The following GSE1 variants were observed in gnomAD, a reference collection of about 807,000 sequenced individuals.
GSE1 encodes Gse1 coiled-coil protein.
A neutral mutation model predicts 112.6 loss-of-function variants in GSE1; 32 were observed. The ratio of observed to expected loss-of-function variants is 0.28; its 90% CI spans 0.21 to 0.38. The LOEUF (loss-of-function observed/expected upper bound fraction) is 0.38. GSE1 is among the 10% of genes least tolerant of loss of function. The pLI is 1.00. For synonymous variants in GSE1, 1,115 were observed against 735.6 expected (o/e 1.52, Z -8.35); for missense variants, 2,348 against 1,699.2 (o/e 1.38, Z -6.71).
At chr16:85,637,597 G>A (rs887865526) in intron 2 of GSE1, among the ~76,000 whole-genome samples, 5 of 152,114 alleles carry the variant, frequency 3.3e-5, no homozygotes, top group Non-Finnish European at 5.9e-5. Flanking sequence ...GGCTCGCTGT[G>A]CTTCTCACAC....
chr16:85,179,458 A>AACACGCAT (rs1433137547), intron 1 of GSE1, among the ~76,000 whole-genome samples: 1 of 152,130 alleles, frequency 6.6e-6, no homozygotes, highest in Non-Finnish European at 1.5e-5. Context: ...TGCCACTGTG[A>AACACGCAT]ACACGCATGG....
intron 2 of GSE1, among the ~76,000 whole-genome samples, chr16:85,369,478 C>G (rs2047250578): frequency 6.6e-6 from 1 of 152,048 alleles, no homozygotes; most frequent in African/African-American, 2.4e-5. Context: ...AAGCAGTCCT[C>G]AAGCTTCCCA....
chr16:85,395,065 G>T lies in GSE1; in HGVS notation c.2464+37422G>T, dbSNP rs533585134. 4.7e-4 allele frequency among the ~76,000 whole-genome samples: 71 copies of T among 152,254 alleles called. No homozygotes were observed. In the South Asian group the frequency reaches 0.015, roughly 31 times the overall value. On this transcript the variant is annotated intron_variant, in intron 2 of 2. Coordinates refer to the GSE1 transcript ENST00000637419. ...ATTCTCGACGCGGGGAATGGGGCGG[G>T]CAGAGACTGGGGCACCTAAGCATAG... is the stretch of plus-strand genomic sequence containing the variant.
chr16:85,618,646 C>T (rs1030394713), intron 1 of GSE1, among the ~76,000 whole-genome samples: 5 of 152,220 alleles, frequency 3.3e-5, no homozygotes, highest in Admixed American at 6.5e-5. Context: ...CAAAGCCTTG[C>T]GGCTACTCCT....
At chr16:85,581,396 G>A (rs1242851723) in intron 1 of GSE1, among the ~76,000 whole-genome samples, 1 of 152,244 alleles carries the variant, frequency 6.6e-6, no homozygotes, top group East Asian at 1.9e-4. Flanking sequence ...ACTGAATGCA[G>A]GGCTCCGGCC....
intron 2 of GSE1, among the ~76,000 whole-genome samples, chr16:85,461,126 G>C (rs1026890592): frequency 2.0e-5 from 3 of 152,236 alleles, no homozygotes; most frequent in African/African-American, 7.2e-5. Context: ...GACAGTTCCT[G>C]AAGGGCCTTT....
At chr16:85,268,803 G>A (rs1254209893) in intron 1 of GSE1, among the ~76,000 whole-genome samples, 2 of 152,172 alleles carry the variant, frequency 1.3e-5, no homozygotes, top group African/African-American at 4.8e-5. Flanking sequence ...AAGAACCTGT[G>A]AGCCACCACC....
chr16:85,183,917 G>C (rs1452551846), intron 1 of GSE1, among the ~76,000 whole-genome samples: 1 of 152,178 alleles, frequency 6.6e-6, no homozygotes, highest in African/African-American at 2.4e-5. Flanking sequence ...GATGTCATGA[G>C]GGTGAGACAA....
At chr16:85,315,213 A>G (rs533016391) in intron 1 of GSE1, among the ~76,000 whole-genome samples, 211 of 152,124 alleles carry the variant, frequency 1.4e-3, no homozygotes, top group African/African-American at 4.9e-3. Flanking sequence ...CTGAGGGAGC[A>G]GGGGTCGGGG....
chr16:85,610,608 A>G (rs1232329936), upstream of GSE1, among the ~76,000 whole-genome samples: 4 of 152,100 alleles, frequency 2.6e-5, no homozygotes, highest in African/African-American at 4.8e-5. Flanking sequence ...AGTGTCATCC[A>G]TCTCCCCCTT....
chr16:85,666,308 G>C lies in GSE1; in HGVS notation c.3091G>C (p.Val1031Leu), dbSNP rs202198327. The change falls in exon 13 of 16, where the codon GTG becomes CTG. Residue 1031 changes from valine to leucine, a missense_variant. Physicochemically the swap from Val to Leu is conservative, Grantham distance 32. Coordinates refer to ENST00000253458, the MANE Select transcript of GSE1 (RefSeq NM_014615.5). ...GTTTGCACATCAGTTCCACGAGTCA[G>C]TGCTGCAGTCCACCCAGAAGGCCCT... ...EEFAHQFHESVLQSTQKALQK... is the reference protein window; with the variant it reads ...EEFAHQFHESLLQSTQKALQK... 47 of 1,613,782 alleles carry C rather than the reference G, an allele frequency of 2.9e-5. 1 individual carries two copies. The highest frequency in any genetic ancestry group is 2.8e-5 in the Non-Finnish European group (33 of 1,180,024).
In GSE1 at chr16:85,663,272, G is replaced by A. The variant is rs1478165027; in HGVS notation, c.2374-72G>A. 10 of 1,540,192 alleles carry A rather than the reference G, an allele frequency of 6.5e-6. No homozygotes were observed. The African/African-American group carries it at 1.2e-4, about 19-fold the overall frequency. On this transcript the variant is annotated intron_variant, in intron 10 of 15. Transcript: ENST00000253458. ...GGCCCACACTTCGAGGACCCCAGGA[G>A]GGGACCCCGGGACAGTGCAAGCATA...
At chr16:85,632,297 A>G (rs539612621) in intron 1 of GSE1, among the ~76,000 whole-genome samples, 82 of 152,148 alleles carry the variant, frequency 5.4e-4, no homozygotes, top group African/African-American at 1.9e-3. Flanking sequence ...GTGAGCTCTC[A>G]CTGGGGAGAA....
chr16:85,254,511 G>A (rs1906857066), intron 1 of GSE1, among the ~76,000 whole-genome samples: 1 of 152,222 alleles, frequency 6.6e-6, no homozygotes, highest in Admixed American at 6.5e-5. Flanking sequence ...ACCCCAGGAG[G>A]TCTGGCAATG....
chr16:85,646,866 G>C (rs547364837), intron 2 of GSE1, among the ~76,000 whole-genome samples: 1 of 146,434 alleles, frequency 6.8e-6, no homozygotes, highest in African/African-American at 2.5e-5. Context: ...TCTGGTCTCG[G>C]TCACGGGGGC....
rs145380967 is a variant in GSE1, at chr16:85,354,900, C to G, written c.2284-2563C>G. On this transcript the variant is annotated intron_variant, in intron 1 of 2. Coordinates refer to the GSE1 transcript ENST00000637419. ...GCTCAGTCCCCAGGGTGGGAACCAC[C>G]TTGGTACAGGCCCCAGGGTACCTGC... 3.3e-3 allele frequency among the ~76,000 whole-genome samples: 508 copies of G among 152,338 alleles called. 2 individuals are homozygous for G. The highest frequency in any genetic ancestry group is 0.012 in the African/African-American group (487 of 41,578).
intron 1 of GSE1, among the ~76,000 whole-genome samples, chr16:85,201,361 A>C (rs1597787373): frequency 6.9e-6 from 1 of 145,248 alleles, no homozygotes; most frequent in African/African-American, 2.6e-5. Context: ...TTTTGACTTC[A>C]GAAAGTGAAC....
At position 85,503,726 on chromosome 16, in the gene GSE1, T is replaced by A. The variant is rs535873947; in HGVS notation, c.2465-130188T>A. On this transcript the variant is annotated intron_variant, in intron 2 of 2. Transcript: ENST00000637419. ...GAAAAAGGCAGTGTCGAAGCAAACC[T>A]CGCCGATGACAGACCCTGTAATTAG... Among the ~76,000 whole-genome samples the A allele has an allele frequency of 2.0e-5, 3 of 152,196 alleles. No individual in the cohort carries two copies. In the South Asian group the frequency reaches 6.2e-4, roughly 32 times the overall value.
upstream of GSE1, among the ~76,000 whole-genome samples, chr16:85,610,107 G>A (rs571828813): frequency 6.6e-6 from 1 of 152,334 alleles, no homozygotes; most frequent in Admixed American, 6.5e-5. Flanking sequence ...CGCTCTTGGA[G>A]GCACAGTTTA....
Sources: allele counts gnomAD v4.1 joint callset (sites outside exome capture counted in the v4.1 genomes callset), GRCh38; gene constraint gnomAD v4.1.1; transcripts MANE v1.5; gene names NCBI Gene and HGNC (gene_info 2026-07-23, HGNC 2026-07-21).